Variants in FRMD4A observed in about 807,000 individuals in gnomAD.
The protein encoded by FRMD4A is FERM domain-containing protein 4A.
A neutral mutation model predicts 129.1 loss-of-function variants in FRMD4A; 29 were observed. That is an observed-to-expected ratio of 0.22 (90% CI 0.17 to 0.31). The LOEUF is 0.31. Among genes scored for constraint, FRMD4A ranks in the 10% least tolerant of loss-of-function variants. The pLI is 1.00. For missense variants in FRMD4A, 1,272 were observed against 1,375.8 expected (o/e 0.92, Z 1.19); for synonymous variants, 634 against 571.6 (o/e 1.11, Z -1.56).
chr10:13,815,647 TA>T (rs2093530429), intron 3 of FRMD4A, among the ~76,000 whole-genome samples: 1 of 152,332 alleles, frequency 6.6e-6, no homozygotes, highest in African/African-American at 2.4e-5. Flanking sequence ...TCTGCCACTC[TA>T]CCTCTGTTGA....
intron 15 of FRMD4A, among the ~76,000 whole-genome samples, chr10:13,690,574 G>A (rs535855868): frequency 6.6e-6 from 1 of 152,326 alleles, no homozygotes; most frequent in East Asian, 1.9e-4. Context: ...GGCACTAAAG[G>A]ATGTTTTTCA....
chr10:13,903,290 C>A (rs2131200376), intron 2 of FRMD4A, among the ~76,000 whole-genome samples: 1 of 152,280 alleles, frequency 6.6e-6, no homozygotes, highest in South Asian at 2.1e-4. Context: ...TTTCTTTTGC[C>A]TTCTAACAGA....
At chr10:13,926,410 G>A (rs1470533156) in intron 2 of FRMD4A, among the ~76,000 whole-genome samples, 2 of 152,084 alleles carry the variant, frequency 1.3e-5, no homozygotes, top group African/African-American at 2.4e-5. Context: ...CTTTTGTGAT[G>A]GGTATTGATT....
intron 2 of FRMD4A, among the ~76,000 whole-genome samples, chr10:14,114,633 G>A (rs1424717971): frequency 6.6e-6 from 1 of 152,130 alleles, no homozygotes; most frequent in African/African-American, 2.4e-5. Flanking sequence ...CAGAGATGGC[G>A]GCCAGAGAAT....
chr10:14,114,691 G>A (rs1838107151), intron 2 of FRMD4A, among the ~76,000 whole-genome samples: 1 of 152,180 alleles, frequency 6.6e-6, no homozygotes, highest in Admixed American at 6.5e-5. Flanking sequence ...ATGGCCCAAT[G>A]CCTCTTTGGG....
intron 2 of FRMD4A, among the ~76,000 whole-genome samples, chr10:14,022,967 A>G (rs985631070): frequency 2.0e-5 from 3 of 152,062 alleles, no homozygotes; most frequent in Non-Finnish European, 4.4e-5. Context: ...ACTCACACCA[A>G]CACTTTGGCA....
chr10:13,881,955 C>A (rs1259996269), intron 2 of FRMD4A, among the ~76,000 whole-genome samples: 6 of 148,836 alleles, frequency 4.0e-5, no homozygotes, highest in African/African-American at 1.5e-4. Flanking sequence ...AGGCTGAAGT[C>A]CAGATGAGGT....
intron 23 of FRMD4A, chr10:13,652,399 T>C: frequency 5.1e-6 from 1 of 195,162 alleles, no homozygotes; most frequent in Non-Finnish European, 1.0e-5. Flanking sequence ...AATCATATAT[T>C]TGGATCAGGT....
chr10:13,728,573 C>CTTTTTTTTTTTTTTTTTTTGTT (rs10706168), intron 12 of FRMD4A, among the ~76,000 whole-genome samples: 1 of 78,372 alleles, frequency 1.3e-5, no homozygotes, highest in Non-Finnish European at 2.4e-5. Flanking sequence ...GATTACCATT[C>CTTTTTTTTTTTTTTTTTTTGTT]TTTTTTTTTT....
chr10:13,910,478 C>T (rs1471239727), intron 2 of FRMD4A, among the ~76,000 whole-genome samples: 3 of 152,226 alleles, frequency 2.0e-5, no homozygotes, highest in African/African-American at 7.2e-5. Flanking sequence ...CATATGCAAT[C>T]ATGAGCTACA....
intron 2 of FRMD4A, among the ~76,000 whole-genome samples, chr10:14,154,786 T>C (rs1294256571): frequency 2.0e-5 from 3 of 152,336 alleles, no homozygotes; most frequent in East Asian, 1.9e-4. Flanking sequence ...TATTGCTTTT[T>C]TCCTACCCAA....
At chr10:14,004,682 T>C (rs2095655455) in intron 2 of FRMD4A, among the ~76,000 whole-genome samples, 1 of 152,224 alleles carries the variant, frequency 6.6e-6, no homozygotes, top group Non-Finnish European at 1.5e-5. Flanking sequence ...TTGCATACAT[T>C]TTTGGTGATC....
chr10:13,852,975 G>C (rs1262974112), intron 3 of FRMD4A, among the ~76,000 whole-genome samples: 1 of 152,088 alleles, frequency 6.6e-6, no homozygotes, highest in Non-Finnish European at 1.5e-5. Flanking sequence ...AGAAAACACA[G>C]ACTAGTCACA....
At chr10:13,858,421 G>A (rs2094243456) in intron 3 of FRMD4A, among the ~76,000 whole-genome samples, 1 of 152,162 alleles carries the variant, frequency 6.6e-6, no homozygotes, top group Non-Finnish European at 1.5e-5. Context: ...GGCAACAAGA[G>A]CGAGACTCTG....
At chr10:14,298,396 A>G (rs550866291) in intron 2 of FRMD4A, among the ~76,000 whole-genome samples, 4 of 152,292 alleles carry the variant, frequency 2.6e-5, no homozygotes, top group Non-Finnish European at 5.9e-5. Context: ...GAAAAGCACA[A>G]TGAAAAAAAC....
At chr10:14,174,864 AAAGTGTGTGTGTGTCTGT>A in intron 2 of FRMD4A, among the ~76,000 whole-genome samples, 1 of 142,988 alleles carries the variant, frequency 7.0e-6, no homozygotes, top group Non-Finnish European at 1.5e-5. Context: ...ATTAAAAAAA[AAAGTGTGTGTGTGTCTGT>A]GTGTGTGTGT....
At chr10:14,095,614 A>G (rs1489426483) in intron 2 of FRMD4A, among the ~76,000 whole-genome samples, 1 of 152,246 alleles carries the variant, frequency 6.6e-6, no homozygotes, top group Non-Finnish European at 1.5e-5. Flanking sequence ...CCTGTGGGCC[A>G]GTGTTGCTCA....
At chr10:14,256,365 A>C (rs150773383) in intron 2 of FRMD4A, among the ~76,000 whole-genome samples, 1 of 152,302 alleles carries the variant, frequency 6.6e-6, no homozygotes, top group African/African-American at 2.4e-5. Flanking sequence ...CCCCCAAATC[A>C]TGCATTGGTA....
chr10:13,983,906 G>A (rs1393546586), intron 2 of FRMD4A, among the ~76,000 whole-genome samples: 1 of 151,958 alleles, frequency 6.6e-6, no homozygotes, highest in Non-Finnish European at 1.5e-5. Flanking sequence ...GGGAGGCTGC[G>A]GCAGGAGAAT....
Sources: allele counts gnomAD v4.1 joint callset (sites outside exome capture counted in the v4.1 genomes callset), GRCh38; gene constraint gnomAD v4.1.1; transcripts MANE v1.5; gene names NCBI Gene and HGNC (gene_info 2026-07-23, HGNC 2026-07-21).